Variants in ALK observed in about 807,000 individuals in gnomAD.
ALK encodes ALK tyrosine kinase receptor.
In ALK, 74 loss-of-function variants were observed where a neutral mutation model predicts 163.1. That is an observed-to-expected ratio of 0.45 (90% CI 0.38 to 0.55). The LOEUF is 0.55. Ranked by LOEUF, ALK falls within the 20% of genes least tolerant of loss-of-function variation. The pLI is 0.00. For synonymous variants in ALK, 960 were observed against 843.2 expected, an observed-to-expected ratio of 1.14 and a Z score of -2.40; for missense variants, 2,063 against 2,105.3, an observed-to-expected ratio of 0.98 and a Z score of 0.39.
At chr2:29,408,065 G>A (rs1669631548) in intron 4 of ALK, among the ~76,000 whole-genome samples, 1 of 151,206 alleles carries the variant, frequency 6.6e-6, no homozygotes, top group Non-Finnish European at 1.5e-5. Flanking sequence ...ATAGGCAAAG[G>A]TACTCAGGGA....
intron 4 of ALK, among the ~76,000 whole-genome samples, chr2:29,480,391 C>T (rs1473509845): frequency 6.6e-6 from 1 of 152,110 alleles, no homozygotes; most frequent in Non-Finnish European, 1.5e-5. Context: ...TTCTATGTCT[C>T]TAAAATATTT....
Position 29,858,115 on chromosome 2 carries a change from G to C in ALK, c.667+61878C>G, listed in dbSNP as rs76120808. ...TTAGTTCTATGCAATTTTATCACAC[G>C]CATTAGTTTCTGTATCCATCACCAC... On this transcript the variant is annotated intron_variant, in intron 1 of 28. Transcript: ENST00000389048. Among the ~76,000 whole-genome samples the C allele has an allele frequency of 4.4e-3, 663 of 152,012 alleles. 2 individuals carry two copies. Among genetic ancestry groups the C allele is most frequent in the Non-Finnish European group, 6.6e-3 (451 of 67,994 alleles).
intron 16 of ALK, 71 bp downstream of exon 16, chr2:29,228,813 C>G (rs1664092567): frequency 9.7e-7 from 1 of 1,030,998 alleles, no homozygotes; most frequent in Non-Finnish European, 1.5e-6. Flanking sequence ...CAGGGGAGGG[C>G]AGGGCAGGGA....
At chr2:29,216,000 G>A (rs1284039763) in intron 23 of ALK, among the ~76,000 whole-genome samples, 7 of 152,192 alleles carry the variant, frequency 4.6e-5, no homozygotes, top group Non-Finnish European at 2.9e-5. Context: ...AGACCAGGGG[G>A]ACTCAGAAAA....
intron 6 of ALK, among the ~76,000 whole-genome samples, chr2:29,324,212 AC>A (rs1667177023): frequency 6.6e-6 from 1 of 152,222 alleles, no homozygotes; most frequent in African/African-American, 2.4e-5. Context: ...TCTAAGAGAG[AC>A]AAATTGGTAC....
At chr2:29,400,507 A>G (rs1199145580) in intron 4 of ALK, among the ~76,000 whole-genome samples, 3 of 152,140 alleles carry the variant, frequency 2.0e-5, no homozygotes, top group African/African-American at 7.2e-5. Context: ...ACCCCTCCTT[A>G]CCAAGGCTGG....
At chr2:29,544,910 G>T (rs1237761304) in intron 3 of ALK, among the ~76,000 whole-genome samples, 1 of 152,150 alleles carries the variant, frequency 6.6e-6, no homozygotes, top group African/African-American at 2.4e-5. Context: ...AAGAAGTTCA[G>T]GACTTGCCCA....
chr2:29,236,685 G>C (rs1056661505), intron 13 of ALK, among the ~76,000 whole-genome samples: 4 of 152,020 alleles, frequency 2.6e-5, no homozygotes, highest in African/African-American at 9.7e-5. Flanking sequence ...CCATCCTCTT[G>C]CATCCTCTCC....
intron 8 of ALK, among the ~76,000 whole-genome samples, chr2:29,316,744 G>A (rs1365821199): frequency 6.6e-6 from 1 of 152,144 alleles, no homozygotes; most frequent in African/African-American, 2.4e-5. Context: ...ATCTGCATGA[G>A]ATAGCATGGT....
rs1203105916 is a variant in ALK at position 29,920,608 on chromosome 2, C to A, written c.52G>T (p.Ala18Ser). The stretch of plus-strand genomic sequence containing the variant: ...CCGGTCCCCATCCCGGAGCCCACAG[C>A]TGCCGTGGAAAGCAGCAGCGGCAGG... ...WLLPLLLSTA[A>S]VGSGMGTGQR... The change falls in exon 1 of 29, where the codon GCT (alanine) becomes TCT (serine). Residue 18 changes from alanine (A) to serine (S), a missense_variant. By Grantham distance (99) the Ala-to-Ser change is moderately conservative (BLOSUM62 1). Coordinates refer to ENST00000389048, the MANE Select transcript of ALK (RefSeq NM_004304.5). 6.4e-7 allele frequency: 1 copy of A among 1,554,964 alleles called. No homozygotes were observed. Among genetic ancestry groups the A allele is most frequent in the Non-Finnish European group, 8.6e-7 (1 of 1,157,002 alleles).
intron 3 of ALK, among the ~76,000 whole-genome samples, chr2:29,594,823 G>T (rs78319455): frequency 0.048 from 6,477 of 135,708 alleles, 310 homozygotes; most frequent in African/African-American, 0.13. Context: ...GTGTGTGGGG[G>T]TTCTCTTCTC....
intron 1 of ALK, among the ~76,000 whole-genome samples, chr2:29,752,511 G>A (rs1244879802): frequency 4.6e-5 from 7 of 151,256 alleles, no homozygotes; most frequent in Non-Finnish European, 7.4e-5. Flanking sequence ...CACCATGCCC[G>A]GCTAATTTTT....
intron 1 of ALK, among the ~76,000 whole-genome samples, chr2:29,793,105 G>A (rs1553363019): frequency 6.6e-6 from 1 of 152,164 alleles, no homozygotes; most frequent in Non-Finnish European, 1.5e-5. Flanking sequence ...CTAAGTTTAT[G>A]TAATATTTTA....
At chr2:29,385,145 G>A (rs1669002025) in intron 4 of ALK, among the ~76,000 whole-genome samples, 1 of 149,814 alleles carries the variant, frequency 6.7e-6, no homozygotes, top group African/African-American at 2.5e-5. Context: ...CCAGTAGGTT[G>A]GGCTTTGGTA....
chr2:29,761,506 C>T (rs1196977221), intron 1 of ALK, among the ~76,000 whole-genome samples: 1 of 152,212 alleles, frequency 6.6e-6, no homozygotes, highest in Non-Finnish European at 1.5e-5. Flanking sequence ...GAGTTATGTT[C>T]TTCCTGGAGA....
At chr2:29,546,003 CAT>C (rs561855623) in intron 3 of ALK, among the ~76,000 whole-genome samples, 153 of 152,266 alleles carry the variant, frequency 1.0e-3, no homozygotes, top group African/African-American at 3.4e-3. Context: ...TATTTATGCT[CAT>C]GTGTGTGTGT....
chr2:29,579,299 G>T (rs369716817), intron 3 of ALK, among the ~76,000 whole-genome samples: 1 of 152,276 alleles, frequency 6.6e-6, no homozygotes, highest in East Asian at 1.9e-4. Flanking sequence ...GGCTCTTTCT[G>T]ATCTTTAAAG....
intron 12 of ALK, among the ~76,000 whole-genome samples, chr2:29,249,946 G>A (rs1015869932): frequency 3.3e-5 from 5 of 152,194 alleles, no homozygotes; most frequent in African/African-American, 1.2e-4. Flanking sequence ...AGCACTTAGG[G>A]CTGTCCCCGT....
At chr2:29,239,857 C>T in intron 12 of ALK, 27 bp from the exon 13 acceptor site, 1 of 1,609,070 alleles carries the variant, frequency 6.2e-7, no homozygotes, top group Non-Finnish European at 8.5e-7. Flanking sequence ...AACGTTGGCT[C>T]CCGCTGTGGT....
Sources: allele counts gnomAD v4.1 joint callset (sites outside exome capture counted in the v4.1 genomes callset), GRCh38; gene constraint gnomAD v4.1.1; transcripts MANE v1.5; gene names NCBI Gene and HGNC (gene_info 2026-07-23, HGNC 2026-07-21).